Variants in STK38L observed in about 807,000 individuals in gnomAD.
STK38L encodes serine/threonine-protein kinase 38-like.
A neutral mutation model predicts 59.7 loss-of-function variants in STK38L; 28 were observed. The ratio of observed to expected loss-of-function variants is 0.47; its 90% confidence interval spans 0.35 to 0.64. The LOEUF (loss-of-function observed/expected upper bound fraction) is 0.64, where lower values mean the gene tolerates loss of function less well. Among genes scored for constraint, STK38L ranks in the 30% least tolerant of loss-of-function variants. The probability of loss-of-function intolerance (pLI) is 0.01; values close to 1 mark genes in which losing one functional copy is unlikely to be tolerated. For missense variants in STK38L, 314 were observed against 555.8 expected, an observed-to-expected ratio of 0.56 and a Z score of 4.37; for synonymous variants, 162 against 176.8, an observed-to-expected ratio of 0.92 and a Z score of 0.66.
At chr12:27,314,869 CATCAG>C in intron 7 of STK38L, 141 bp from the exon 8 acceptor site, 1 of 846,584 alleles carries the variant, frequency 1.2e-6, no homozygotes, top group East Asian at 2.7e-5. Context: ...TAAAAATCAT[CATCAG>C]ATACTTAAAA....
chr12:27,309,308 A>G (rs1944404246), intron 5 of STK38L, 111 bp downstream of exon 5: 1 of 609,568 alleles, frequency 1.6e-6, no homozygotes, highest in Admixed American at 3.9e-5. Context: ...TACATAAGCT[A>G]TTAATTTTTT....
chr12:27,303,683 A>G (rs978471181), intron 3 of STK38L, among the ~76,000 whole-genome samples: 3 of 152,194 alleles, frequency 2.0e-5, no homozygotes, highest in Non-Finnish European at 2.9e-5. Flanking sequence ...GAAAATATAG[A>G]GAAGATTTTT....
chr12:27,320,020 A>G (rs1166711972), intron 12 of STK38L, among the ~76,000 whole-genome samples: 1 of 152,216 alleles, frequency 6.6e-6, no homozygotes, highest in Non-Finnish European at 1.5e-5. Context: ...CTGCTTTCTT[A>G]GGACTGCAGG....
At chr12:27,282,409 T>C (rs1364507732) in intron 1 of STK38L, among the ~76,000 whole-genome samples, 1 of 152,256 alleles carries the variant, frequency 6.6e-6, no homozygotes, top group Non-Finnish European at 1.5e-5. Flanking sequence ...AGAATGAATT[T>C]TTCAATAGAA....
chr12:27,312,763 C>A (rs1460830572), intron 6 of STK38L, 91 bp downstream of exon 6: 75 of 1,486,450 alleles, frequency 5.0e-5, no homozygotes, highest in Non-Finnish European at 6.3e-5. Context: ...CTTTTATATT[C>A]TTTGCTCTGA....
At chr12:27,278,754 C>T (rs1202752013) in intron 1 of STK38L, among the ~76,000 whole-genome samples, 1 of 152,158 alleles carries the variant, frequency 6.6e-6, no homozygotes, top group Non-Finnish European at 1.5e-5. Context: ...CCTTAACTCT[C>T]AGTTTGGATA....
chr12:27,253,952 T>A (rs990851085), intron 1 of STK38L, among the ~76,000 whole-genome samples: 3 of 152,252 alleles, frequency 2.0e-5, no homozygotes, highest in Non-Finnish European at 4.4e-5. Context: ...GCACCTCTTC[T>A]GTGCTTCTCA....
At chr12:27,289,798 C>T (rs2136632631) in intron 1 of STK38L, among the ~76,000 whole-genome samples, 1 of 152,368 alleles carries the variant, frequency 6.6e-6, no homozygotes, top group African/African-American at 2.4e-5. Context: ...ACCTCTACCT[C>T]TAGTTCTACC....
chr12:27,246,626 T>A (rs1246006574), intron 1 of STK38L, among the ~76,000 whole-genome samples: 3 of 152,196 alleles, frequency 2.0e-5, no homozygotes, highest in Admixed American at 2.0e-4. Flanking sequence ...ATAACTTTTT[T>A]AAAAAATTAA....
At chr12:27,271,844 C>T (rs11048957) in intron 1 of STK38L, among the ~76,000 whole-genome samples, 7,227 of 152,116 alleles carry the variant, frequency 0.048, 563 homozygotes, top group African/African-American at 0.16. Context: ...GGACTACAGG[C>T]GCACACCACC....
At chr12:27,296,831 C>T (rs1944036687) in intron 1 of STK38L, among the ~76,000 whole-genome samples, 1 of 152,176 alleles carries the variant, frequency 6.6e-6, no homozygotes, top group Non-Finnish European at 1.5e-5. Context: ...CGTCAAGTGG[C>T]CATTTTGCCA....
At chr12:27,258,736 A>G (rs1405148752) in intron 1 of STK38L, among the ~76,000 whole-genome samples, 1 of 152,212 alleles carries the variant, frequency 6.6e-6, no homozygotes. Flanking sequence ...TTTATTTGTT[A>G]CAGTTAATAT....
intron 1 of STK38L, among the ~76,000 whole-genome samples, chr12:27,270,396 T>C (rs1943398736): frequency 6.6e-6 from 1 of 151,876 alleles, no homozygotes; most frequent in Non-Finnish European, 1.5e-5. Context: ...ATTTATTTAT[T>C]TATTTTGAGT....
chr12:27,313,260 A>C (rs1477472986), intron 6 of STK38L, among the ~76,000 whole-genome samples: 1 of 151,936 alleles, frequency 6.6e-6, no homozygotes, highest in African/African-American at 2.4e-5. Flanking sequence ...AAAAAAAAAA[A>C]AAAAAATACC....
chr12:27,284,262 A>G (rs1269249966), intron 1 of STK38L, among the ~76,000 whole-genome samples: 1 of 152,226 alleles, frequency 6.6e-6, no homozygotes, highest in African/African-American at 2.4e-5. Flanking sequence ...TGGAGTGGTC[A>G]CTGCACTGTG....
chr12:27,249,418 A>T, intron 1 of STK38L, among the ~76,000 whole-genome samples: 1 of 151,986 alleles, frequency 6.6e-6, no homozygotes, highest in East Asian at 1.9e-4. Context: ...GTTCACTGCA[A>T]CCCCCGCCTC....
chr12:27,268,497 T>C (rs1943348627), intron 1 of STK38L, among the ~76,000 whole-genome samples: 1 of 152,242 alleles, frequency 6.6e-6, no homozygotes, highest in African/African-American at 2.4e-5. Context: ...ATGTGCCACA[T>C]TTTCTTAATC....
intron 1 of STK38L, among the ~76,000 whole-genome samples, chr12:27,287,893 T>C (rs1002933270): frequency 1.3e-5 from 2 of 152,122 alleles, no homozygotes; most frequent in African/African-American, 4.8e-5. Flanking sequence ...TTTGGTTTGG[T>C]TTTGTTTGAG....
rs943896779 is a variant in STK38L at position 27,322,565 on chromosome 12, T to C, written c.*110T>C. The C allele has an allele frequency of 4.2e-6, 6 of 1,422,526 alleles. No homozygotes were observed. Among genetic ancestry groups the C allele is most frequent in the African/African-American group, 1.4e-5 (1 of 69,092 alleles). The allele number at this position is 1,422,526 out of a possible 1,614,324, so 88.1% of individuals were successfully genotyped here. A position where few individuals can be genotyped will look rare whatever the true frequency, so the allele number is the denominator to read the frequency against. On this transcript the variant is annotated 3_prime_UTR_variant, in exon 14 of 14. Coordinates refer to ENST00000389032, the MANE Select transcript of STK38L (RefSeq NM_015000.4). Reference sequence around the variant, plus strand: ...ATACTCCTGAAGATGGTGGTGCTTATTGACTACAAGAGGAAATTCTACAGG... The same window carrying C: ...ATACTCCTGAAGATGGTGGTGCTTACTGACTACAAGAGGAAATTCTACAGG...
Sources: gnomAD v4.1 joint callset for allele counts (sites outside exome capture counted in the v4.1 genomes callset) on GRCh38, gnomAD v4.1.1 for gene constraint, MANE v1.5 for transcripts, NCBI Gene and HGNC (gene_info 2026-07-23, HGNC 2026-07-21) for gene names.